The following CENPU variants were observed in gnomAD, a reference collection of about 807,000 sequenced individuals.
CENPU encodes KSHV latent nuclear antigen interacting protein 1.
Under a neutral mutation model 56.7 loss-of-function variants are expected in CENPU, and 46 were observed. That is an observed-to-expected ratio of 0.81 (90% CI 0.64 to 1.04). CENPU has a LOEUF of 1.04. Among genes scored for constraint, CENPU ranks in the 50% least tolerant of loss-of-function variants. The pLI, the probability that CENPU is intolerant of heterozygous loss-of-function variation, is 0.00. For missense variants in CENPU, 510 were observed against 490.1 expected (o/e 1.04, Z -0.38); for synonymous variants, 166 against 163.0 (o/e 1.02, Z -0.14).
At chr4:184,703,605 ATAAAT>A (rs1445513465) in intron 8 of CENPU, among the ~76,000 whole-genome samples, 3 of 152,270 alleles carry the variant, frequency 2.0e-5, no homozygotes, top group Admixed American at 6.5e-5. Context: ...AAAAAAATAA[ATAAAT>A]TAAATTAATT....
At chr4:184,714,100 G>A (rs1285131941) in intron 6 of CENPU, among the ~76,000 whole-genome samples, 1 of 152,090 alleles carries the variant, frequency 6.6e-6, no homozygotes, top group South Asian at 2.1e-4. Context: ...ATGGCAACCA[G>A]AAGACAACAG....
At chr4:184,712,101 CAG>C (rs1392458306) in intron 7 of CENPU, among the ~76,000 whole-genome samples, 1 of 124,190 alleles carries the variant, frequency 8.1e-6, no homozygotes. Flanking sequence ...AGCCTGGCAA[CAG>C]AGCAAGACTC....
At chr4:184,711,204 T>C (rs1381189756) in intron 7 of CENPU, among the ~76,000 whole-genome samples, 1 of 152,190 alleles carries the variant, frequency 6.6e-6, no homozygotes, top group Non-Finnish European at 1.5e-5. Flanking sequence ...AGTCTACTCT[T>C]CTTCCGTAAT....
Position 184,710,160 on chromosome 4 carries a change from T to C in CENPU, c.709A>G (p.Ile237Val). Residue 237 changes from isoleucine (I) to valine (V), a missense_variant, in exon 8 of 13, where the codon ATT becomes GTT. Coordinates refer to ENST00000281453, the MANE Select transcript of CENPU (RefSeq NM_024629.4). Reference protein sequence around the residue: ...IGSDTSDIVHIWCPEGMKTSD... With the variant: ...IGSDTSDIVHVWCPEGMKTSD... ...GTTTTCATTCCTTCTGGACACCAAA[T>C]GTGCACAATGTCAGAAGTATCTAAA... 1 of 1,605,092 alleles carries C rather than the reference T, an allele frequency of 6.2e-7. No homozygotes were observed. Among genetic ancestry groups the C allele is most frequent in the Non-Finnish European group, 8.5e-7 (1 of 1,173,874 alleles).
At chr4:184,726,641 G>A (rs1761460342) in intron 3 of CENPU, among the ~76,000 whole-genome samples, 1 of 151,834 alleles carries the variant, frequency 6.6e-6, no homozygotes. Context: ...TCCAAAAGAG[G>A]AGAAAGCAGG....
intron 3 of CENPU, 33 bp downstream of exon 3, chr4:184,728,885 A>G (rs767573061): frequency 6.7e-7 from 1 of 1,484,276 alleles, no homozygotes; most frequent in Non-Finnish European, 9.4e-7. Flanking sequence ...GTTGCTTTAG[A>G]GTTATGTTAG....
At chr4:184,733,969 T>C (rs773493159) in intron 1 of CENPU, 47 bp downstream of exon 1, 13 of 1,610,722 alleles carry the variant, frequency 8.1e-6, no homozygotes. Flanking sequence ...AGGAAGCAGT[T>C]CAAGCTGGTC....
intron 2 of CENPU, among the ~76,000 whole-genome samples, 169 bp from the exon 3 acceptor site, chr4:184,729,204 T>C (rs1440746099): frequency 6.6e-6 from 1 of 152,174 alleles, no homozygotes; most frequent in Non-Finnish European, 1.5e-5. Context: ...AACATAGACA[T>C]GTATGGCAAG....
chr4:184,710,242 CT>C, intron 7 of CENPU, 62 bp from the exon 8 acceptor site: 1 of 1,044,030 alleles, frequency 9.6e-7, no homozygotes, highest in Admixed American at 2.1e-5. Flanking sequence ...GTCCAGGGTT[CT>C]GAAAGCCTGA....
At chr4:184,702,749 G>T (rs1414740502) in intron 8 of CENPU, among the ~76,000 whole-genome samples, 3 of 152,106 alleles carry the variant, frequency 2.0e-5, no homozygotes, top group African/African-American at 4.8e-5. Flanking sequence ...GGAGTCCCCA[G>T]TGTCTATTGT....
At chr4:184,717,832 G>C (rs1761142395) in intron 4 of CENPU, among the ~76,000 whole-genome samples, 1 of 152,176 alleles carries the variant, frequency 6.6e-6, no homozygotes, top group South Asian at 2.1e-4. Flanking sequence ...TCACAGTTAT[G>C]ACACTTGGCG....
At position 184,707,250 on chromosome 4, in the gene CENPU, G is replaced by C. The variant is rs184691471; in HGVS notation, c.797+2822C>G. Among the ~76,000 whole-genome samples the C allele has an allele frequency of 1.2e-3, 178 of 151,262 alleles. 1 individual carries two copies. The highest frequency in any genetic ancestry group is 7.7e-3 in the Admixed American group (118 of 15,264). On this transcript the variant is annotated intron_variant, in intron 8 of 12. Transcript: ENST00000281453. ...CCCTGAGGGGAAGGTCATGTAGAGA[G>C]AATAACTGCTGTAAGGAGTGGCGCT...
rs1199619489 is a variant in CENPU, at chr4:184,729,012, A to C, written c.120T>G (p.Pro40=). The C allele has an allele frequency of 6.2e-7, 1 of 1,613,616 alleles. No individual in the cohort carries two copies. The highest frequency in any genetic ancestry group is 1.3e-5 in the African/African-American group (1 of 74,908). The change falls in exon 3 of 13, where the codon CCT becomes CCG. Residue 40 remains proline, a synonymous_variant. Transcript: ENST00000281453. ...TATCAGGAAAGTCGAACACGTCAAT[A>C]GGCTTGCACTTTTGACCAGCTTTCT... ...MKDKAGQKCK[P]IDVFDFPDNS... is the part of the protein sequence containing the mutation.
At chr4:184,705,357 C>T (rs9631783) in intron 8 of CENPU, among the ~76,000 whole-genome samples, 27,103 of 152,034 alleles carry the variant, frequency 0.18, 2,717 homozygotes, top group African/African-American at 0.26. Flanking sequence ...TATAACATTC[C>T]TGAAATGATG....
chr4:184,702,067 T>C (rs1760552427), intron 10 of CENPU, 22 bp downstream of exon 10: 2 of 1,531,302 alleles, frequency 1.3e-6, no homozygotes, highest in Non-Finnish European at 1.8e-6. Flanking sequence ...ACTCTATGAC[T>C]CTAATCACAT....
At chr4:184,713,716 G>T (rs1239220665) in intron 6 of CENPU, among the ~76,000 whole-genome samples, 1 of 152,082 alleles carries the variant, frequency 6.6e-6, no homozygotes, top group Non-Finnish European at 1.5e-5. Context: ...CTGGACAGTA[G>T]GCAACACAAG....
chr4:184,709,510 G>A (rs1236433945), intron 8 of CENPU, among the ~76,000 whole-genome samples: 1 of 151,736 alleles, frequency 6.6e-6, no homozygotes, highest in Non-Finnish European at 1.5e-5. Flanking sequence ...TCTGCCAAAT[G>A]CTAGCAAAAG....
rs1161280660 is a variant in CENPU at position 184,694,594 on chromosome 4, CCTAGCAGG to C, written c.*686_*693del. 5 of 1,614,012 alleles carry C rather than the reference CCTAGCAGG, an allele frequency of 3.1e-6. No individual in the cohort carries two copies. The highest frequency in any genetic ancestry group is 4.2e-6 in the Non-Finnish European group (5 of 1,179,986). The stretch of plus-strand genomic sequence containing the variant: ...AACCCAGAATCCTCATAAACCATCA[CCTAGCAGG>C]CTGTCAACAGGTGCATCTGCTGATG... On this transcript the variant is annotated 3_prime_UTR_variant, in exon 13 of 13. Coordinates refer to ENST00000281453, the MANE Select transcript of CENPU (RefSeq NM_024629.4).
intron 6 of CENPU, among the ~76,000 whole-genome samples, chr4:184,715,093 A>G (rs1761045559): frequency 6.6e-6 from 1 of 152,228 alleles, no homozygotes; most frequent in Admixed American, 6.5e-5. Flanking sequence ...TACATGTACA[A>G]AAGGAAATTT....
Sources: gnomAD v4.1 joint callset for allele counts (sites outside exome capture counted in the v4.1 genomes callset) on GRCh38, gnomAD v4.1.1 for gene constraint, MANE v1.5 for transcripts, NCBI Gene and HGNC (gene_info 2026-07-23, HGNC 2026-07-21) for gene names.